The following PPARGC1A variants were observed in gnomAD, a reference collection of about 807,000 sequenced individuals.
The protein encoded by PPARGC1A is peroxisome proliferator-activated receptor gamma coactivator 1-alpha.
PPARGC1A carries 25 observed loss-of-function variants against 88.7 expected under a neutral mutation model. That is an observed-to-expected ratio of 0.28 (90% confidence interval 0.21 to 0.39). The LOEUF is 0.39. PPARGC1A is among the 10% of genes least tolerant of loss of function. The probability of loss-of-function intolerance (pLI) is 1.00; values close to 1 mark genes in which losing one functional copy is unlikely to be tolerated. For missense variants in PPARGC1A, 880 were observed against 968.7 expected (o/e 0.91, Z 1.22); for synonymous variants, 363 against 355.6 (o/e 1.02, Z -0.24).
the PPARGC1A span, among the ~76,000 whole-genome samples, chr4:24,135,469 C>T: frequency 3.7e-4 from 56 of 152,082 alleles, no homozygotes; most frequent in Non-Finnish European, 1.3e-4. Context: ...CTCCATTACT[C>T]CTGTGACAAC....
the PPARGC1A span, among the ~76,000 whole-genome samples, chr4:23,970,674 C>G: frequency 6.6e-6 from 1 of 152,168 alleles, no homozygotes; most frequent in African/African-American, 2.4e-5. Context: ...TCAATTTATT[C>G]TGGTGAGTGT....
chr4:24,257,323 G>GTGAGTAATAGGA, the PPARGC1A span, among the ~76,000 whole-genome samples: 1 of 152,054 alleles, frequency 6.6e-6, no homozygotes, highest in Non-Finnish European at 1.5e-5. Flanking sequence ...ACTAAAATAA[G>GTGAGTAATAGGA]CTTCAATAAG....
At chr4:24,314,445 T>C in the PPARGC1A span, among the ~76,000 whole-genome samples, 1 of 152,314 alleles carries the variant, frequency 6.6e-6, no homozygotes, top group Non-Finnish European at 1.5e-5. Flanking sequence ...AGGACACTTA[T>C]ACAATGCCAT....
chr4:24,119,073 A>ATTTTGTTT, the PPARGC1A span, among the ~76,000 whole-genome samples: 1 of 152,150 alleles, frequency 6.6e-6, no homozygotes, highest in East Asian at 1.9e-4. Flanking sequence ...TTGGAGAGGG[A>ATTTTGTTT]TTTTGTTTTG....
the PPARGC1A span, among the ~76,000 whole-genome samples, chr4:23,969,234 G>T: frequency 2.6e-5 from 4 of 152,120 alleles, no homozygotes; most frequent in Non-Finnish European, 5.9e-5. Flanking sequence ...GAGTCTTTAG[G>T]GAATGGCTAA....
At chr4:24,096,231 A>G in the PPARGC1A span, among the ~76,000 whole-genome samples, 1 of 152,100 alleles carries the variant, frequency 6.6e-6, no homozygotes, top group African/African-American at 2.4e-5. Context: ...CATGATTATA[A>G]ATTTCCTGGG....
the PPARGC1A span, among the ~76,000 whole-genome samples, chr4:24,304,538 G>C: frequency 6.6e-6 from 1 of 152,180 alleles, no homozygotes; most frequent in Non-Finnish European, 1.5e-5. Context: ...CACAGCAAAT[G>C]CATGGCTGAG....
the PPARGC1A span, among the ~76,000 whole-genome samples, chr4:24,113,209 T>TA: frequency 6.6e-6 from 1 of 152,112 alleles, no homozygotes; most frequent in Non-Finnish European, 1.5e-5. Context: ...AAACAATTGA[T>TA]ATGTACCCAG....
chr4:24,043,925 C>T, the PPARGC1A span, among the ~76,000 whole-genome samples: 168 of 152,262 alleles, frequency 1.1e-3, 1 homozygote, highest in African/African-American at 3.9e-3. Flanking sequence ...GGAGGAAGGA[C>T]ATTTGAAAGA....
At chr4:24,179,348 C>T in the PPARGC1A span, among the ~76,000 whole-genome samples, 1 of 152,140 alleles carries the variant, frequency 6.6e-6, no homozygotes, top group Non-Finnish European at 1.5e-5. Flanking sequence ...CTGTGCAGCT[C>T]CTCTCATCCC....
At chr4:23,931,721 A>C in the PPARGC1A span, among the ~76,000 whole-genome samples, 1 of 152,210 alleles carries the variant, frequency 6.6e-6, no homozygotes, top group Admixed American at 6.5e-5. Context: ...ATAATACCTA[A>C]GTTACAAGAC....
chr4:24,117,320 T>C, the PPARGC1A span, among the ~76,000 whole-genome samples: 2 of 152,140 alleles, frequency 1.3e-5, no homozygotes, highest in African/African-American at 2.4e-5. Flanking sequence ...GTCTGGTGGC[T>C]GTGACCATTA....
chr4:24,381,201 T>G, the PPARGC1A span, among the ~76,000 whole-genome samples: 2 of 152,164 alleles, frequency 1.3e-5, no homozygotes, highest in Middle Eastern at 3.2e-3. Context: ...AGAGATCAGG[T>G]AAGATACGGG....
chr4:24,454,867 C>A, the PPARGC1A span, among the ~76,000 whole-genome samples: 1 of 151,504 alleles, frequency 6.6e-6, no homozygotes. Flanking sequence ...GAAAGATAGT[C>A]ATGTGACTGA....
the PPARGC1A span, among the ~76,000 whole-genome samples, chr4:24,000,809 GTAAC>G: frequency 8.5e-5 from 13 of 152,162 alleles, no homozygotes; most frequent in African/African-American, 3.1e-4. Context: ...ATTTCAGTGA[GTAAC>G]TATTAAATTG....
At chr4:23,824,987 T>C (rs1193594863) in intron 5 of PPARGC1A, among the ~76,000 whole-genome samples, 1 of 152,116 alleles carries the variant, frequency 6.6e-6, no homozygotes, top group Non-Finnish European at 1.5e-5. Context: ...ACTATTCCAC[T>C]CACTGAAAAT....
At chr4:24,371,142 T>G in the PPARGC1A span, among the ~76,000 whole-genome samples, 2 of 152,216 alleles carry the variant, frequency 1.3e-5, no homozygotes, top group Admixed American at 1.3e-4. Flanking sequence ...TTGTATTCCA[T>G]GGTGTATATG....
the PPARGC1A span, among the ~76,000 whole-genome samples, chr4:24,144,102 G>A: frequency 6.6e-6 from 1 of 152,210 alleles, no homozygotes; most frequent in South Asian, 2.1e-4. Context: ...CCCTGTAGGG[G>A]CTTATGGCCT....
At chr4:24,382,259 A>G in the PPARGC1A span, among the ~76,000 whole-genome samples, 1 of 152,230 alleles carries the variant, frequency 6.6e-6, no homozygotes, top group African/African-American at 2.4e-5. Context: ...AAAATTGTTC[A>G]CTTTGACTGC....
Sources: allele counts gnomAD v4.1 joint callset (sites outside exome capture counted in the v4.1 genomes callset), GRCh38; gene constraint gnomAD v4.1.1; transcripts MANE v1.5; gene names NCBI Gene and HGNC (gene_info 2026-07-23, HGNC 2026-07-21).